Variants in ETV1 observed in about 807,000 individuals in gnomAD.
ETV1 encodes the protein ETS variant transcription factor 1, also known as ETS translocation variant 1.
In ETV1, 27 loss-of-function variants were observed where a neutral mutation model predicts 62.3. The ratio of observed to expected loss-of-function variants is 0.43; its 90% CI spans 0.32 to 0.60. The LOEUF is 0.60. ETV1 is among the 20% of genes least tolerant of loss of function. The pLI, the probability that ETV1 is intolerant of heterozygous loss-of-function variation, is 0.06. For synonymous variants in ETV1, 222 were observed against 199.6 expected (o/e 1.11, Z -0.94); for missense variants, 605 against 605.8 (o/e 1.00, Z 0.01).
At chr7:13,986,788 T>C in intron 4 of ETV1, 103 bp from the exon 5 acceptor site, 1 of 866,992 alleles carries the variant, frequency 1.2e-6, no homozygotes, top group Non-Finnish European at 1.8e-6. Context: ...AAATTTAATT[T>C]CAAGAGACGC....
At chr7:13,930,367 G>C (rs1785945813) in intron 9 of ETV1, among the ~76,000 whole-genome samples, 1 of 152,046 alleles carries the variant, frequency 6.6e-6, no homozygotes, top group East Asian at 1.9e-4. Flanking sequence ...TGTCACCCAG[G>C]CTAGAGTGCA....
At position 13,929,454 on chromosome 7, in the gene ETV1, TC is replaced by T. The variant is rs374702462; in HGVS notation, c.802+2047del. ...GTCAAGTTTAGTAGCTGAGGAAATC[TC>T]TAAAATGAGCCTGGAAGAGTATGTG... On this transcript the variant is annotated intron_variant, in intron 9 of 13. Transcript: ENST00000430479. Among the ~76,000 whole-genome samples the T allele has an allele frequency of 2.9e-4, 44 of 152,278 alleles. No individual in the cohort carries two copies. The East Asian group carries it at 7.3e-3, about 25-fold the overall frequency.
intron 10 of ETV1, among the ~76,000 whole-genome samples, chr7:13,910,973 C>T (rs1307705548): frequency 6.6e-6 from 1 of 152,078 alleles, no homozygotes; most frequent in Admixed American, 6.6e-5. Flanking sequence ...AGCATATGTT[C>T]TATTTTAAAA....
chr7:13,932,573 G>C (rs142853373), intron 8 of ETV1, among the ~76,000 whole-genome samples: 2 of 152,272 alleles, frequency 1.3e-5, no homozygotes, highest in East Asian at 3.9e-4. Flanking sequence ...TCAGCAGAAG[G>C]CTAGAAATGA....
At chr7:13,968,269 T>C (rs1780513765) in intron 6 of ETV1, among the ~76,000 whole-genome samples, 1 of 151,904 alleles carries the variant, frequency 6.6e-6, no homozygotes, top group Admixed American at 6.6e-5. Context: ...AGAAGAAAAA[T>C]AGGAAAGAAA....
intron 6 of ETV1, among the ~76,000 whole-genome samples, chr7:13,967,466 T>C (rs1310462692): frequency 2.0e-5 from 3 of 152,154 alleles, no homozygotes; most frequent in African/African-American, 4.8e-5. Flanking sequence ...TTAAACAGTA[T>C]TTTTAATCTA....
chr7:13,957,247 A>G (rs1401028114), intron 6 of ETV1, among the ~76,000 whole-genome samples: 4 of 152,032 alleles, frequency 2.6e-5, no homozygotes, highest in South Asian at 2.1e-4. Context: ...CACCATGCCC[A>G]GCTAATTTTT....
At chr7:13,986,262 A>G in intron 5 of ETV1, 2 of 1,521,464 alleles carry the variant, frequency 1.3e-6, no homozygotes, top group Non-Finnish European at 1.8e-6. Context: ...GCGCTGCTCT[A>G]AAGGAAACAG....
chr7:13,978,398 AACACACAC>A (rs10554441), intron 5 of ETV1, among the ~76,000 whole-genome samples: 2 of 150,678 alleles, frequency 1.3e-5, no homozygotes, highest in East Asian at 1.9e-4. Context: ...AATACATGCA[AACACACAC>A]ACACACACAC....
chr7:13,927,215 G>A (rs1785527207), intron 9 of ETV1, among the ~76,000 whole-genome samples: 1 of 152,178 alleles, frequency 6.6e-6, no homozygotes, highest in Admixed American at 6.6e-5. Context: ...TTGGGAGGCT[G>A]AGGCTGGCGG....
At chr7:13,961,191 A>G (rs7794465) in intron 6 of ETV1, among the ~76,000 whole-genome samples, 24,812 of 152,036 alleles carry the variant, frequency 0.16, 3,353 homozygotes, top group African/African-American at 0.37. Flanking sequence ...TTATTATATA[A>G]GAATGATTGC....
At chr7:13,954,496 T>C (rs958072662) in intron 6 of ETV1, among the ~76,000 whole-genome samples, 3 of 152,244 alleles carry the variant, frequency 2.0e-5, no homozygotes, top group African/African-American at 4.8e-5. Flanking sequence ...CAAATGTTTG[T>C]GCATTACCTG....
intron 6 of ETV1, among the ~76,000 whole-genome samples, chr7:13,950,789 C>T (rs544179160): frequency 7.0e-4 from 106 of 152,108 alleles, no homozygotes; most frequent in African/African-American, 2.3e-3. Context: ...CAGAGGTTGA[C>T]AACATTTCTT....
intron 6 of ETV1, among the ~76,000 whole-genome samples, chr7:13,941,948 C>G (rs1029519): frequency 0.3 from 45,352 of 150,496 alleles, 7,382 homozygotes; most frequent in East Asian, 0.4. Context: ...TGCGTGTTGT[C>G]TGTGTGTAGG....
chr7:13,979,661 C>T (rs1562712519), intron 5 of ETV1, among the ~76,000 whole-genome samples: 1 of 152,046 alleles, frequency 6.6e-6, no homozygotes, highest in South Asian at 2.1e-4. Flanking sequence ...ACAGATATAA[C>T]TATTGAGATG....
chr7:13,906,404 TCC>T (rs1782961531), intron 12 of ETV1, 24 bp downstream of exon 12: 1 of 1,455,900 alleles, frequency 6.9e-7, no homozygotes, highest in East Asian at 2.4e-5. Flanking sequence ...TGTCTGAGTG[TCC>T]TAATTAAAAT....
intron 6 of ETV1, among the ~76,000 whole-genome samples, chr7:13,951,202 A>T (rs998745697): frequency 1.3e-5 from 2 of 152,128 alleles, no homozygotes; most frequent in African/African-American, 2.4e-5. Context: ...TCTCTCTCTC[A>T]CACACACATA....
chr7:13,911,344 G>T (rs1210170566), intron 9 of ETV1, 37 bp from the exon 10 acceptor site: 1 of 1,449,354 alleles, frequency 6.9e-7, no homozygotes, highest in East Asian at 2.3e-5. Flanking sequence ...AAAGAGTCTG[G>T]AGCTGAAACG....
chr7:13,929,987 G>A (rs980686560), intron 9 of ETV1, among the ~76,000 whole-genome samples: 1 of 152,126 alleles, frequency 6.6e-6, no homozygotes, highest in African/African-American at 2.4e-5. Context: ...GTAGACTGAT[G>A]ATAGAAAAAC....
Sources: allele counts gnomAD v4.1 joint callset (sites outside exome capture counted in the v4.1 genomes callset), GRCh38; gene constraint gnomAD v4.1.1; transcripts MANE v1.5; gene names NCBI Gene and HGNC (gene_info 2026-07-23, HGNC 2026-07-21).